Variants in DNAH8 observed in about 807,000 individuals in gnomAD.
DNAH8 encodes dynein axonemal heavy chain 8.
In DNAH8, 382 loss-of-function variants were observed where a neutral mutation model predicts 562.1. That is an observed-to-expected ratio of 0.68 (90% CI 0.63 to 0.74). The LOEUF is 0.74. Ranked by LOEUF, DNAH8 falls within the 30% of genes least tolerant of loss-of-function variation. The pLI is 0.00. For synonymous variants in DNAH8, 1,881 were observed against 1,919.4 expected, an observed-to-expected ratio of 0.98 and a Z score of 0.52; for missense variants, 5,203 against 5,620.4, an observed-to-expected ratio of 0.93 and a Z score of 2.37.
At chr6:38,828,128 T>C in intron 29 of DNAH8, 56 bp from the exon 30 acceptor site, 1 of 1,122,804 alleles carries the variant, frequency 8.9e-7, no homozygotes, top group Non-Finnish European at 1.3e-6. Flanking sequence ...GGCGTCTAAA[T>C]CATTTGGCAA....
intron 30 of DNAH8, among the ~76,000 whole-genome samples, chr6:38,829,144 G>A (rs1738203): frequency 0.51 from 76,789 of 151,980 alleles, 20,635 homozygotes; most frequent in East Asian, 0.84. Flanking sequence ...TATTTGGAGA[G>A]ATGTGAATTT....
intron 4 of DNAH8, among the ~76,000 whole-genome samples, chr6:38,733,277 AAC>A (rs1763802640): frequency 1.3e-5 from 2 of 151,838 alleles, no homozygotes; most frequent in Admixed American, 6.6e-5. Flanking sequence ...TATTGTGACC[AAC>A]TATCTAACAT....
At chr6:39,023,259 G>A (rs1261734316) in intron 91 of DNAH8, among the ~76,000 whole-genome samples, 2 of 152,184 alleles carry the variant, frequency 1.3e-5, no homozygotes, top group Admixed American at 6.5e-5. Flanking sequence ...TTGGGAGGCC[G>A]AGGCAGGCGG....
intron 87 of DNAH8, 163 bp downstream of exon 87, chr6:38,984,470 G>T: frequency 2.0e-6 from 1 of 506,394 alleles, no homozygotes; most frequent in Non-Finnish European, 3.6e-6. Flanking sequence ...GCACACACAT[G>T]CACACACACA....
chr6:38,974,521 A>G lies in DNAH8; in HGVS notation c.12826A>G (p.Thr4276Ala). 6.2e-7 allele frequency: 1 copy of G among 1,613,520 alleles called. No individual in the cohort carries two copies. Among genetic ancestry groups the G allele is most frequent in the South Asian group, 1.1e-5 (1 of 91,016 alleles). ...TTACACAGTAGCATTTTTACACTCC[A>G]CTGTGCAGGTAACTGCAGAAAGCAG... ...MLYTVAFLHS[T>A]VQERRKFGPL... Residue 4276 changes from threonine (T) to alanine (A), a missense_variant, in exon 85 of 93, where the codon ACT becomes GCT. This residue lies in a region of DNAH8 where 1,399 missense variants were observed against 1,518.4 expected (regional missense o/e 0.92). Coordinates refer to ENST00000327475, the MANE Select transcript of DNAH8 (RefSeq NM_001206927.2).
At position 38,831,875 on chromosome 6, in the gene DNAH8, A is replaced by T. The variant is rs772169972; in HGVS notation, c.4189-447A>T. Among the ~76,000 whole-genome samples the T allele has an allele frequency of 2.0e-5, 3 of 152,102 alleles. No individual in the cohort carries two copies. In the South Asian group the frequency reaches 6.2e-4, roughly 32 times the overall value. On this transcript the variant is annotated intron_variant, in intron 30 of 92. Coordinates refer to ENST00000327475, the MANE Select transcript of DNAH8 (RefSeq NM_001206927.2). ...CAATTATTATTGAAGGTTTAAGCAG[A>T]GTATTTCAGGACCATTGTGTAGGGT...
intron 41 of DNAH8, among the ~76,000 whole-genome samples, chr6:38,854,365 C>T (rs9296265): frequency 0.41 from 61,922 of 151,784 alleles, 13,863 homozygotes; most frequent in East Asian, 0.84. Context: ...CCAAGGAAAA[C>T]GTAGGCAATT....
At chr6:38,951,572 C>G (rs574062462) in intron 82 of DNAH8, 52 bp downstream of exon 82, 2 of 1,516,428 alleles carry the variant, frequency 1.3e-6, no homozygotes, top group Admixed American at 3.9e-5. Context: ...TTTTTTGCCC[C>G]AAATTTTGCC....
chr6:38,992,911 C>G (rs573458528), intron 88 of DNAH8, among the ~76,000 whole-genome samples: 1 of 152,298 alleles, frequency 6.6e-6, no homozygotes, highest in Non-Finnish European at 1.5e-5. Context: ...CCATCGAGAT[C>G]CAACAATTGT....
At chr6:38,877,409 A>G (rs1013074800) in intron 53 of DNAH8, among the ~76,000 whole-genome samples, 7 of 152,110 alleles carry the variant, frequency 4.6e-5, no homozygotes, top group African/African-American at 1.7e-4. Flanking sequence ...ATGTTTTCTT[A>G]TTTTTAATGG....
chr6:38,789,805 T>G lies in DNAH8; in HGVS notation c.2586T>G (p.Gly862=). ...KLKADKLYLQ[G]LLQYYDELCQ... ...CATGCCATTTCAACTTCCTACAGGG[T>G]CTTCTGCAATATTATGATGAGTTAT... is the stretch of plus-strand genomic sequence containing the variant. The change falls in exon 19 of 93, where the codon GGT becomes GGG. Residue 862 remains glycine (G), a splice_region_variant and synonymous_variant. Transcript: ENST00000327475. 1 of 1,604,946 alleles carries G rather than the reference T, an allele frequency of 6.2e-7. No homozygotes were observed.
Position 38,908,066 on chromosome 6 carries a change from A to C in DNAH8, c.9459A>C (p.Glu3153Asp). The C allele has an allele frequency of 6.2e-7, 1 of 1,609,082 alleles. No homozygotes were observed. The highest frequency in any genetic ancestry group is 8.5e-7 in the Non-Finnish European group (1 of 1,177,812). Residue 3153 changes from glutamate (E) to aspartate (D), a missense_variant, in exon 64 of 93, where the codon GAA becomes GAC. By Grantham distance (45) the Glu-to-Asp change is conservative (BLOSUM62 2). Transcript: ENST00000327475. ...RHPPTFDNLY[E>D]YFISRSRKNL... is the part of the protein sequence containing the mutation. ...CTCCTACCTTTGATAATTTGTATGA[A>C]TACTTCATTTCAAGATCAAGGAAGA...
At chr6:38,751,305 C>T (rs541048992) in intron 9 of DNAH8, among the ~76,000 whole-genome samples, 71 of 152,276 alleles carry the variant, frequency 4.7e-4, no homozygotes, top group African/African-American at 1.7e-3. Flanking sequence ...AGAGAACACC[C>T]AAGTTGGAAT....
intron 63 of DNAH8, among the ~76,000 whole-genome samples, 193 bp from the exon 64 acceptor site, chr6:38,907,763 T>C (rs1251738316): frequency 6.6e-6 from 1 of 152,194 alleles, no homozygotes; most frequent in Non-Finnish European, 1.5e-5. Context: ...CACAATTAGT[T>C]CTTGATTGAG....
intron 10 of DNAH8, among the ~76,000 whole-genome samples, chr6:38,760,097 T>C (rs1766343647): frequency 1.3e-5 from 2 of 152,248 alleles, no homozygotes; most frequent in African/African-American, 4.8e-5. Flanking sequence ...ATTGCTAATT[T>C]ATTTATCACC....
chr6:38,841,349 G>A (rs1014368254), intron 33 of DNAH8, among the ~76,000 whole-genome samples: 7 of 152,130 alleles, frequency 4.6e-5, no homozygotes, highest in Non-Finnish European at 2.9e-5. Flanking sequence ...AACCCAGGAG[G>A]CAGAGGTTAT....
intron 67 of DNAH8, 48 bp downstream of exon 67, chr6:38,914,000 T>A: frequency 7.2e-7 from 1 of 1,393,588 alleles, no homozygotes; most frequent in Non-Finnish European, 1.0e-6. Context: ...TTTTCCATAT[T>A]AAAATGCATT....
chr6:38,725,304 T>TAAAATAATA (rs1763118094), intron 3 of DNAH8, among the ~76,000 whole-genome samples: 1 of 135,386 alleles, frequency 7.4e-6, no homozygotes, highest in South Asian at 2.5e-4. Context: ...CTCCAACTCA[T>TAAAATAATA]ATAATAATAA....
intron 92 of DNAH8, among the ~76,000 whole-genome samples, chr6:39,029,538 A>G (rs991462602): frequency 6.6e-6 from 1 of 152,172 alleles, no homozygotes; most frequent in Non-Finnish European, 1.5e-5. Context: ...GGCCTATTGT[A>G]TGAGAGAGAC....
Sources: gnomAD v4.1 joint callset for allele counts (sites outside exome capture counted in the v4.1 genomes callset) on GRCh38, gnomAD v4.1.1 for gene constraint, gnomAD v4.1.1 regional missense constraint, MANE v1.5 for transcripts, NCBI Gene and HGNC (gene_info 2026-07-23, HGNC 2026-07-21) for gene names.